MED25: variants seen among roughly 807,000 people sequenced by gnomAD.
MED25 encodes mediator complex subunit 25.
Under a neutral mutation model 89.4 loss-of-function variants are expected in MED25, and 62 were observed. The observed-to-expected ratio is 0.69, with a 90% CI of 0.57 to 0.86. The LOEUF (loss-of-function observed/expected upper bound fraction) is 0.86, where lower values mean the gene tolerates loss of function less well. Among genes scored for constraint, MED25 ranks in the 40% least tolerant of loss-of-function variants. The pLI, the probability that MED25 is intolerant of heterozygous loss-of-function variation, is 0.00. For missense variants in MED25, 905 were observed against 1,005.2 expected (o/e 0.90, Z 1.35); for synonymous variants, 449 against 427.9 (o/e 1.05, Z -0.61).
intron 3 of MED25, among the ~76,000 whole-genome samples, chr19:49,821,691 C>T (rs2073983370): frequency 6.6e-6 from 1 of 152,100 alleles, no homozygotes; most frequent in Non-Finnish European, 1.5e-5. Context: ...GTGGCGCATG[C>T]CTGTAATCCC....
rs1456322749 is a variant in MED25, at chr19:49,836,000, G to A, written c.1965+55G>A. On this transcript the variant is annotated intron_variant, in intron 16 of 17. Coordinates refer to ENST00000312865, the MANE Select transcript of MED25 (RefSeq NM_030973.4). The surrounding 1 kb of genome is among the most constrained non-coding windows in gnomAD (Gnocchi z 6.2). ...TCCAGATCCTGGCCCTGGTGGTTCT[G>A]GTCCTGTTGTCTGGGAGGAGGGAGG... 1 of 1,597,256 alleles carries A rather than the reference G, an allele frequency of 6.3e-7. No homozygotes were observed. Among genetic ancestry groups the A allele is most frequent in the East Asian group, 2.3e-5 (1 of 43,578 alleles).
chr19:49,835,631 G>C lies in MED25; in HGVS notation c.1746+26G>C. The C allele has an allele frequency of 6.4e-7, 1 of 1,556,492 alleles. No individual in the cohort carries two copies. ...GTGAGGACAGGGCTGGCGGGGTCGG[G>C]GCTGGGTTGGGGAGGCCCCAAGGCT... On this transcript the variant is annotated intron_variant, in intron 15 of 17. Transcript: ENST00000312865. The surrounding 1 kb of genome is among the most constrained non-coding windows in gnomAD (Gnocchi z 6.2).
rs369550555 is a variant in MED25, at chr19:49,832,427, G to A, written c.1482+12G>A. 2.1e-5 allele frequency: 31 copies of A among 1,457,182 alleles called. No individual in the cohort carries two copies. The highest frequency in any genetic ancestry group is 2.9e-5 in the Non-Finnish European group (30 of 1,041,130). 90.3% of individuals were successfully genotyped at this position (1,457,182 alleles called of 1,614,324 possible). ...TGGGCAACGGCTTCGTGAGTCCAGG[G>A]CATGGGGGGCCGAGGGGTGTTGACT... is the stretch of plus-strand genomic sequence containing the variant. On this transcript the variant is annotated intron_variant, in intron 13 of 17. Coordinates refer to ENST00000312865, the MANE Select transcript of MED25 (RefSeq NM_030973.4).
chr19:49,837,075 G>A, downstream of MED25: 1 of 802,518 alleles, frequency 1.2e-6, no homozygotes, highest in East Asian at 2.7e-5. Flanking sequence ...AGACATCCCT[G>A]GGGCCCTGGG....
Position 49,818,571 on chromosome 19 carries a change from G to T in MED25, c.135G>T (p.Glu45Asp). Residue 45 changes from glutamate to aspartate, a missense_variant and splice_region_variant, in exon 2 of 18, where the codon GAG (glutamate) becomes GAT (aspartate). Around this residue, in one of 3 missense-constraint regions of MED25, gnomAD observed 501 missense variants for 526.9 expected, o/e 0.95. Transcript: ENST00000312865. ...GACCTTTCACTTCCTACCCTCACAGGTATTTTAATGGTGGTCCTCCTGCTG... is the reference window on the plus strand; with the variant it reads ...GACCTTTCACTTCCTACCCTCACAGTTATTTTAATGGTGGTCCTCCTGCTG... ...LRKHYLLPAI[E>D]YFNGGPPAET... 1.2e-6 allele frequency: 2 copies of T among 1,614,168 alleles called. No homozygotes were observed. Among genetic ancestry groups the T allele is most frequent in the South Asian group, 2.2e-5 (2 of 91,086 alleles).
intron 2 of MED25, 122 bp from the exon 3 acceptor site, chr19:49,819,050 G>A: frequency 1.6e-6 from 2 of 1,242,312 alleles, no homozygotes; most frequent in South Asian, 1.3e-5. Context: ...TGGGTCTGAG[G>A]AAGGAGGAAG....
At chr19:49,827,629 G>A (rs1394420010) in intron 3 of MED25, among the ~76,000 whole-genome samples, 8 of 152,124 alleles carry the variant, frequency 5.3e-5, no homozygotes, top group Non-Finnish European at 1.0e-4. Flanking sequence ...AATTTAACTC[G>A]ATTACCTGTG....
Position 49,830,865 on chromosome 19 carries a change from C to T in MED25, c.1079C>T (p.Ala360Val). 2 of 1,611,448 alleles carry T rather than the reference C, an allele frequency of 1.2e-6. No individual in the cohort carries two copies. Among genetic ancestry groups the T allele is most frequent in the Non-Finnish European group, 1.7e-6 (2 of 1,179,886 alleles). ...VAPGSGLAPT[A>V]QPGAPSMAGT... is the part of the protein sequence containing the mutation. Reference sequence around the variant, plus strand: ...CCTGGCTCCGGCCTGGCTCCCACGGCACAGCCCGGGGCACCGTCCATGGTA... The same window carrying T: ...CCTGGCTCCGGCCTGGCTCCCACGGTACAGCCCGGGGCACCGTCCATGGTA... Residue 360 changes from alanine (A) to valine (V), a missense_variant, in exon 9 of 18, where the codon GCA becomes GTA. Ala to Val is a moderately conservative substitution (Grantham distance 64). Coordinates refer to ENST00000312865, the MANE Select transcript of MED25 (RefSeq NM_030973.4). The surrounding 1 kb of genome is among the most constrained non-coding windows in gnomAD (Gnocchi z 4.6).
In MED25 at chr19:49,830,465, G is replaced by A. The variant is rs1435435616; in HGVS notation, c.820-46G>A. 1.3e-6 allele frequency: 2 copies of A among 1,587,030 alleles called. No individual in the cohort carries two copies. Among genetic ancestry groups the A allele is most frequent in the Non-Finnish European group, 1.7e-6 (2 of 1,156,284 alleles). ...CCTCGTGGGATACCAGGACTGGGGG[G>A]CCATGGTCCTCACCAGTCCCTTCCC... On this transcript the variant is annotated intron_variant, in intron 7 of 17. Transcript: ENST00000312865. This position sits in a 1 kb window ranked among gnomAD's most constrained non-coding sequence, Gnocchi z 4.6.
chr19:49,818,847 G>C (rs1407771442), intron 2 of MED25: 2 of 596,254 alleles, frequency 3.4e-6, no homozygotes, highest in Non-Finnish European at 5.9e-6. Flanking sequence ...GGAGCTAGGG[G>C]CCCAGATCCC....
At chr19:49,838,742 A>G (rs1049368203), downstream of MED25, 7 of 456,650 alleles carry the variant, frequency 1.5e-5, no homozygotes. Flanking sequence ...GAATCAAAGC[A>G]TAGTAAGAGC....
At chr19:49,819,548 C>T (rs1225201255) in intron 3 of MED25, 3 of 486,838 alleles carry the variant, frequency 6.2e-6, no homozygotes, top group East Asian at 8.4e-5. Context: ...ATTGAAAGGA[C>T]TTTGAGGGTG....
chr19:49,818,939 A>T (rs1266259211), intron 2 of MED25: 6 of 459,296 alleles, frequency 1.3e-5, no homozygotes, highest in Non-Finnish European at 2.3e-5. Flanking sequence ...CCTGGGTCTG[A>T]GGGAGGAGGT....
chr19:49,818,720 G>A, intron 2 of MED25, 104 bp downstream of exon 2: 1 of 1,163,132 alleles, frequency 8.6e-7, no homozygotes, highest in Admixed American at 1.8e-5. Context: ...TGAGTTTGAG[G>A]GAGGAGGGGC....
At position 49,830,915 on chromosome 19, in the gene MED25, G is replaced by A. The variant is rs1483693017; in HGVS notation, c.1101+28G>A. ...AGGTGCCTGCACGCCTCCTGCCCCT[G>A]CTCCTTCCTCCTGCTGTCCACAGCT... On this transcript the variant is annotated intron_variant, in intron 9 of 17. Coordinates refer to ENST00000312865, the MANE Select transcript of MED25 (RefSeq NM_030973.4). This position sits in a 1 kb window ranked among gnomAD's most constrained non-coding sequence, Gnocchi z 4.6. 2 of 1,598,856 alleles carry A rather than the reference G, an allele frequency of 1.3e-6. No homozygotes were observed. The highest frequency in any genetic ancestry group is 8.5e-7 in the Non-Finnish European group (1 of 1,175,136).
At position 49,829,237 on chromosome 19, in the gene MED25, G is replaced by A; in HGVS notation, c.525+147G>A. ...TTGGGTCTAAGCGGGGAGGCACTGG[G>A]GGCCTGGACTCAGACACAGAATAGT... On this transcript the variant is annotated intron_variant, in intron 5 of 17. Transcript: ENST00000312865. This position sits in a 1 kb window ranked among gnomAD's most constrained non-coding sequence, Gnocchi z 4.6. 1.4e-6 allele frequency: 1 copy of A among 706,210 alleles called. No homozygotes were observed. Among genetic ancestry groups the A allele is most frequent in the South Asian group, 1.6e-5 (1 of 64,016 alleles). The allele number at this position is 706,210 out of a possible 1,614,324, so 43.7% of individuals were successfully genotyped here.
chr19:49,831,467 G>A lies in MED25; in HGVS notation c.1230+6G>A, dbSNP rs2074057196. On this transcript the variant is annotated splice_donor_region_variant and intron_variant, in intron 10 of 17. Coordinates refer to ENST00000312865, the MANE Select transcript of MED25 (RefSeq NM_030973.4). The surrounding 1 kb of genome is among the most constrained non-coding windows in gnomAD (Gnocchi z 5.0). ...GGGTCCTGGAGTGGCAAGAGGTGAG[G>A]GGCCTGAGGGTCCATTGGGCACTTG... 1 of 1,611,566 alleles carries A rather than the reference G, an allele frequency of 6.2e-7. No homozygotes were observed. Among genetic ancestry groups the A allele is most frequent in the Non-Finnish European group, 8.5e-7 (1 of 1,178,846 alleles).
At chr19:49,839,233 T>C (rs1268795004), downstream of MED25, 5 of 174,360 alleles carry the variant, frequency 2.9e-5, no homozygotes, top group Admixed American at 5.4e-5. Context: ...TTTTGTATAT[T>C]GAGAGAAAAG....
chr19:49,838,023 C>G (rs2074111510), downstream of MED25, among the ~76,000 whole-genome samples: 1 of 152,102 alleles, frequency 6.6e-6, no homozygotes, highest in African/African-American at 2.4e-5. Flanking sequence ...GCTTGGAGCG[C>G]AGGGTGGTCT....
Sources: allele counts gnomAD v4.1 joint callset (sites outside exome capture counted in the v4.1 genomes callset), GRCh38; gene constraint gnomAD v4.1.1; regional missense constraint gnomAD v4.1.1; non-coding constraint Gnocchi (gnomAD v3.1); transcripts MANE v1.5; gene names NCBI Gene and HGNC (gene_info 2026-07-23, HGNC 2026-07-21).